GARIN4: variants seen among roughly 807,000 people sequenced by gnomAD.
The protein encoded by GARIN4 is Golgi-associated RAB2 interactor protein 4.
chr1:212,625,981 G>A, the GARIN4 span: 8 of 1,614,236 alleles, frequency 5.0e-6, no homozygotes, highest in Admixed American at 1.7e-5. Context: ...AGGGCAGTGT[G>A]AGCCTGGCCA....
chr1:212,625,587 C>G, the GARIN4 span: 2 of 1,614,228 alleles, frequency 1.2e-6, no homozygotes, highest in Admixed American at 3.3e-5. Context: ...ACCTCTGCTG[C>G]TTATGCTGGA....
the GARIN4 span, chr1:212,625,307 G>A: frequency 6.8e-6 from 11 of 1,614,226 alleles, no homozygotes; most frequent in African/African-American, 2.7e-5. Flanking sequence ...CCTGAAGTTC[G>A]CCACTGGCAG....
chr1:212,626,087 C>T, the GARIN4 span: 1 of 1,614,112 alleles, frequency 6.2e-7, no homozygotes, highest in Non-Finnish European at 8.5e-7. Flanking sequence ...CAAGAGCAGC[C>T]TGAGTGGACA....
the GARIN4 span, chr1:212,624,665 C>T: frequency 1.2e-6 from 1 of 808,916 alleles, no homozygotes; most frequent in Non-Finnish European, 1.8e-6. Flanking sequence ...TACAGCACCC[C>T]CCACAGCAAT....
At chr1:212,625,429 C>T in the GARIN4 span, 4 of 1,614,054 alleles carry the variant, frequency 2.5e-6, no homozygotes, top group African/African-American at 4.0e-5. Context: ...ACAGCAGTAC[C>T]TGTGGCATTC....
chr1:212,625,462 G>A, the GARIN4 span: 1 of 1,614,210 alleles, frequency 6.2e-7, no homozygotes, highest in Non-Finnish European at 8.5e-7. Flanking sequence ...TGATGTGGAT[G>A]CCTGTGTTTC....
At chr1:212,625,363 C>A in the GARIN4 span, 5 of 1,614,208 alleles carry the variant, frequency 3.1e-6, no homozygotes, top group South Asian at 4.4e-5. Context: ...CACGGGATGA[C>A]CTCTTTGCCT....
the GARIN4 span, chr1:212,625,520 G>C: frequency 6.2e-7 from 1 of 1,614,102 alleles, no homozygotes; most frequent in Non-Finnish European, 8.5e-7. Flanking sequence ...AGGAAAGGGG[G>C]ATCAGGACCA....
the GARIN4 span, chr1:212,624,861 T>C: frequency 6.4e-7 from 1 of 1,558,466 alleles, no homozygotes; most frequent in Admixed American, 1.9e-5. Context: ...GTGCTGCCGT[T>C]GTGCTGAAAG....
At chr1:212,625,798 G>A in the GARIN4 span, 2 of 1,614,204 alleles carry the variant, frequency 1.2e-6, no homozygotes, top group Non-Finnish European at 1.7e-6. Context: ...CCCCTGGACA[G>A]GTGAGCGCAG....
chr1:212,625,427 A>G, the GARIN4 span: 1 of 1,614,190 alleles, frequency 6.2e-7, no homozygotes, highest in East Asian at 2.2e-5. Context: ...TAACAGCAGT[A>G]CCTGTGGCAT....
chr1:212,626,131 A>G, the GARIN4 span: 2 of 1,613,998 alleles, frequency 1.2e-6, no homozygotes, highest in Non-Finnish European at 1.7e-6. Context: ...CCAGCGCTGA[A>G]GGCTGCAAGG....
chr1:212,626,292 A>C, the GARIN4 span: 1 of 1,614,240 alleles, frequency 6.2e-7, no homozygotes, highest in South Asian at 1.1e-5. Context: ...AATAGAGATG[A>C]CAAAAAGGAG....
At chr1:212,625,787 G>T in the GARIN4 span, 3 of 1,614,154 alleles carry the variant, frequency 1.9e-6, no homozygotes, top group East Asian at 2.2e-5. Flanking sequence ...AGCCAATTCT[G>T]CCCCTGGACA....
chr1:212,625,271 CAA>C, the GARIN4 span: 2 of 1,614,198 alleles, frequency 1.2e-6, no homozygotes, highest in Non-Finnish European at 1.7e-6. Context: ...GATCTCTGTT[CAA>C]GACCATGAGA....
At chr1:212,625,105 C>T in the GARIN4 span, 4 of 1,614,008 alleles carry the variant, frequency 2.5e-6, no homozygotes, top group African/African-American at 5.3e-5. Flanking sequence ...TTGCACGTAC[C>T]AGCCCCATCC....
the GARIN4 span, chr1:212,626,750 T>C: frequency 6.7e-7 from 1 of 1,497,902 alleles, no homozygotes; most frequent in South Asian, 1.4e-5. Flanking sequence ...TTACTGCCGT[T>C]TAAATAAAGA....
chr1:212,625,708 G>GGCAGCA, the GARIN4 span: 1 of 1,614,036 alleles, frequency 6.2e-7, no homozygotes, highest in Admixed American at 1.7e-5. Flanking sequence ...GGATTAAAGA[G>GGCAGCA]GCAGCAGCAG....
chr1:212,625,251 G>A, the GARIN4 span: 4 of 1,614,160 alleles, frequency 2.5e-6, no homozygotes, highest in South Asian at 4.4e-5. Context: ...CTGCCCCTGA[G>A]GTTTGTACGG....
Sources: allele counts gnomAD v4.1 joint callset, GRCh38; gene constraint gnomAD v4.1.1; transcripts MANE v1.5; gene names NCBI Gene and HGNC (gene_info 2026-07-23, HGNC 2026-07-21).